SPMIP2: variants seen among roughly 807,000 people sequenced by gnomAD.
The protein encoded by SPMIP2 is sperm microtubule inner protein 2, also known as protein SPMIP2.
At chr4:158,903,469 A>G in the SPMIP2 span, among the ~76,000 whole-genome samples, 17 of 152,262 alleles carry the variant, frequency 1.1e-4, 1 homozygote, top group South Asian at 3.5e-3. Context: ...TGTGCCTTAC[A>G]TTTCAAGGGC....
At chr4:158,945,170 C>T in the SPMIP2 span, among the ~76,000 whole-genome samples, 9 of 152,140 alleles carry the variant, frequency 5.9e-5, no homozygotes, top group Admixed American at 3.9e-4. Context: ...TACTGAGGTC[C>T]GCTCTTCTTG....
At chr4:158,982,706 T>G in the SPMIP2 span, among the ~76,000 whole-genome samples, 3 of 152,252 alleles carry the variant, frequency 2.0e-5, no homozygotes, top group Admixed American at 6.5e-5. Flanking sequence ...CCAGAATCTC[T>G]GGGACACAGG....
At chr4:158,936,059 C>G in the SPMIP2 span, among the ~76,000 whole-genome samples, 1 of 152,184 alleles carries the variant, frequency 6.6e-6, no homozygotes, top group African/African-American at 2.4e-5. Flanking sequence ...TTAAATGGAT[C>G]AAAACAGATG....
the SPMIP2 span, among the ~76,000 whole-genome samples, chr4:159,022,759 C>T: frequency 3.9e-5 from 6 of 152,224 alleles, no homozygotes; most frequent in South Asian, 2.1e-4. Context: ...TGGCCGGGCG[C>T]GGTGGCTCAC....
At chr4:158,949,744 C>T in the SPMIP2 span, among the ~76,000 whole-genome samples, 8 of 152,206 alleles carry the variant, frequency 5.3e-5, no homozygotes, top group African/African-American at 1.4e-4. Flanking sequence ...ATTCTGTGCT[C>T]TTTCAACTCA....
the SPMIP2 span, among the ~76,000 whole-genome samples, chr4:158,900,463 G>A: frequency 6.6e-6 from 1 of 152,108 alleles, no homozygotes. Context: ...ATTATTGTGT[G>A]GGAGCCTAAG....
At chr4:159,068,526 A>G in the SPMIP2 span, among the ~76,000 whole-genome samples, 2 of 131,548 alleles carry the variant, frequency 1.5e-5, no homozygotes, top group African/African-American at 5.6e-5. Flanking sequence ...CGGGGGAGGG[A>G]GGAGGGATAG....
At chr4:158,899,318 T>C in the SPMIP2 span, among the ~76,000 whole-genome samples, 6 of 152,206 alleles carry the variant, frequency 3.9e-5, no homozygotes, top group African/African-American at 1.4e-4. Flanking sequence ...TCTTTTTTTG[T>C]TGGGTCTCTG....
At chr4:159,076,026 C>T in the SPMIP2 span, among the ~76,000 whole-genome samples, 19 of 152,050 alleles carry the variant, frequency 1.2e-4, no homozygotes, top group Admixed American at 3.9e-4. Flanking sequence ...ATGATGGGGA[C>T]GGTGGTGATG....
chr4:159,061,975 G>T, the SPMIP2 span, among the ~76,000 whole-genome samples: 1 of 152,202 alleles, frequency 6.6e-6, no homozygotes, highest in Non-Finnish European at 1.5e-5. Flanking sequence ...ATGGTATAAA[G>T]GTTGGCAGTG....
chr4:159,068,626 G>A, the SPMIP2 span, among the ~76,000 whole-genome samples: 8 of 151,628 alleles, frequency 5.3e-5, no homozygotes, highest in South Asian at 4.2e-4. Context: ...AAACCTGCAC[G>A]TTGTGCACAT....
the SPMIP2 span, among the ~76,000 whole-genome samples, chr4:159,033,081 GT>G: frequency 1.3e-5 from 2 of 152,110 alleles, no homozygotes; most frequent in Non-Finnish European, 2.9e-5. Context: ...TGAACAAATT[GT>G]GACACATCCA....
chr4:158,972,277 G>A, the SPMIP2 span, among the ~76,000 whole-genome samples: 7 of 152,290 alleles, frequency 4.6e-5, no homozygotes, highest in East Asian at 3.9e-4. Context: ...CAGGAGAATC[G>A]CTTGAACCCA....
the SPMIP2 span, among the ~76,000 whole-genome samples, chr4:158,953,752 C>T: frequency 6.6e-6 from 1 of 152,214 alleles, no homozygotes; most frequent in Non-Finnish European, 1.5e-5. Context: ...GAACCTACCT[C>T]CTACATCATC....
At chr4:159,039,230 C>T in the SPMIP2 span, among the ~76,000 whole-genome samples, 1 of 152,172 alleles carries the variant, frequency 6.6e-6, no homozygotes, top group Admixed American at 6.5e-5. Context: ...TGAGCCACCA[C>T]ACCTGGCCCT....
chr4:158,937,938 C>A, the SPMIP2 span, among the ~76,000 whole-genome samples: 8 of 152,300 alleles, frequency 5.3e-5, no homozygotes, highest in South Asian at 2.1e-4. Flanking sequence ...CAGCTTAAAT[C>A]TTTTATTCTT....
chr4:158,934,163 C>G, the SPMIP2 span, among the ~76,000 whole-genome samples: 1 of 152,104 alleles, frequency 6.6e-6, no homozygotes, highest in South Asian at 2.1e-4. Flanking sequence ...ATTATCTCAT[C>G]TATAAAATAG....
chr4:159,073,557 A>G, the SPMIP2 span, among the ~76,000 whole-genome samples: 4 of 152,200 alleles, frequency 2.6e-5, no homozygotes, highest in Admixed American at 2.0e-4. Flanking sequence ...TAAAACCAAA[A>G]TACCTAACCA....
chr4:158,898,428 G>T, the SPMIP2 span, among the ~76,000 whole-genome samples: 1 of 152,076 alleles, frequency 6.6e-6, no homozygotes, highest in African/African-American at 2.4e-5. Context: ...TTACTTTGGG[G>T]AGTATGGCCA....
Sources: gnomAD v4.1 joint callset for allele counts (sites outside exome capture counted in the v4.1 genomes callset) on GRCh38, gnomAD v4.1.1 for gene constraint, MANE v1.5 for transcripts, NCBI Gene and HGNC (gene_info 2026-07-23, HGNC 2026-07-21) for gene names.